UBR4: variants seen among roughly 807,000 people sequenced by gnomAD.
UBR4 encodes the protein ubiquitin protein ligase E3 component n-recognin 4, also known as E3 ubiquitin-protein ligase UBR4.
A neutral mutation model predicts 575.6 loss-of-function variants in UBR4; 124 were observed. The observed-to-expected ratio is 0.22, with a 90% confidence interval of 0.19 to 0.25. The LOEUF (loss-of-function observed/expected upper bound fraction) is 0.25, where lower values mean the gene tolerates loss of function less well. UBR4 is among the 10% of genes least tolerant of loss of function. The probability of loss-of-function intolerance (pLI) is 1.00; values close to 1 mark genes in which losing one functional copy is unlikely to be tolerated. For synonymous variants in UBR4, 2,455 were observed against 2,473.7 expected, an observed-to-expected ratio of 0.99 and a Z score of 0.22; for missense variants, 4,818 against 6,478.8, an observed-to-expected ratio of 0.74 and a Z score of 8.80.
At position 19,087,945 on chromosome 1, in the gene UBR4, G is replaced by A. The variant is rs41273191; in HGVS notation, c.14431-16C>T. The stretch of plus-strand genomic sequence containing the variant: ...TTTCATTTGTCTGTAGGGGAACCCC[G>A]GTGGCATGTCAAGGGGATTTCCACA... On this transcript the variant is annotated splice_polypyrimidine_tract_variant and intron_variant, in intron 98 of 105. Transcript: ENST00000375254. The A allele has an allele frequency of 4.6e-3, 7,235 of 1,584,998 alleles. 24 individuals are homozygous for A. The highest frequency in any genetic ancestry group is 5.6e-3 in the Non-Finnish European group (6,521 of 1,160,596).
Position 19,105,155 on chromosome 1 carries a change from C to T in UBR4, c.12538G>A (p.Ala4180Thr), listed in dbSNP as rs1460329430. The T allele has an allele frequency of 1.9e-6, 3 of 1,613,952 alleles. No homozygotes were observed. Among genetic ancestry groups the T allele is most frequent in the Non-Finnish European group, 2.5e-6 (3 of 1,179,984 alleles). The part of the protein sequence containing the change: ...LDELSIAGEC[A>T]AEYLALYQKL... ...TGGTAGAGAGCCAGGTACTCAGCTG[C>T]ACACTCCCCAGCTATGCTCAGCTCA... The change falls in exon 85 of 106, where the codon GCA becomes ACA. Residue 4180 changes from alanine to threonine, a missense_variant. Ala to Thr is a moderately conservative substitution (Grantham distance 58). Around this residue, in one of 29 missense-constraint regions of UBR4, gnomAD observed 178 missense variants for 175.5 expected, o/e 1.01. Coordinates refer to ENST00000375254, the MANE Select transcript of UBR4 (RefSeq NM_020765.3).
rs1326962607 is a variant in UBR4 at position 19,148,646 on chromosome 1, G to A, written c.7431-20C>T. ...ACCAGCCTGGGGAGACAGAAAACCTGGCTTGAGTACAACACCGTTCTCTCC... is the reference window on the plus strand; with the variant it reads ...ACCAGCCTGGGGAGACAGAAAACCTAGCTTGAGTACAACACCGTTCTCTCC... On this transcript the variant is annotated intron_variant, in intron 49 of 105. Coordinates refer to ENST00000375254, the MANE Select transcript of UBR4 (RefSeq NM_020765.3). 13 of 1,614,002 alleles carry A rather than the reference G, an allele frequency of 8.1e-6. No homozygotes were observed. The highest frequency in any genetic ancestry group is 8.5e-7 in the Non-Finnish European group (1 of 1,179,990).
intron 102 of UBR4, chr1:19,081,790 T>G: frequency 1.4e-6 from 1 of 692,816 alleles, no homozygotes. Flanking sequence ...GCATCTTCCC[T>G]TCTTCCCTGG....
In UBR4 at chr1:19,120,577, C is replaced by T. The variant is rs184731006; in HGVS notation, c.10142-229G>A. On this transcript the variant is annotated intron_variant, in intron 68 of 105. Transcript: ENST00000375254. The stretch of plus-strand genomic sequence containing the variant: ...GGTGATGCAGTGGTGAGCACAGCTG[C>T]CTTCCAGACAAGACATACAATAATG... 2.1e-3 allele frequency among the ~76,000 whole-genome samples: 325 copies of T among 152,310 alleles called. 3 individuals carry two copies. The highest frequency in any genetic ancestry group is 7.5e-3 in the African/African-American group (313 of 41,554).
At chr1:19,077,670 T>G (rs1322683533) in intron 104 of UBR4, 25 of 970,860 alleles carry the variant, frequency 2.6e-5, no homozygotes, top group Non-Finnish European at 3.6e-5. Context: ...GATGCAGAGG[T>G]TGCAGTGAGC....
chr1:19,167,033 T>C lies in UBR4; in HGVS notation c.4098A>G (p.Ala1366=), dbSNP rs949017158. The change falls in exon 29 of 106, where the codon GCA becomes GCG. Residue 1366 remains alanine, a synonymous_variant. Coordinates refer to ENST00000375254, the MANE Select transcript of UBR4 (RefSeq NM_020765.3). ...TCCATCAGGCTCACCTGTTAGGATC[T>C]GCATGATTGGCCAGAATGTTGTAAC... is the stretch of plus-strand genomic sequence containing the variant. ...TGCYNILANH[A]DPNSGLDESI... 6.2e-7 allele frequency: 1 copy of C among 1,614,230 alleles called. No homozygotes were observed.
Position 19,124,616 on chromosome 1 carries a change from G to T in UBR4, c.9513C>A (p.Ile3171=). Residue 3171 remains isoleucine (I), a synonymous_variant, in exon 65 of 106, where the codon ATC becomes ATA. Transcript: ENST00000375254. ...TEMVLRLPYQ[I]KKITDTNSRI... The stretch of plus-strand genomic sequence containing the variant: ...GAGAATTGGTGTCAGTAATCTTTTT[G>T]ATTTGGTAAGGAAGCCTCAGTACCA... 1 of 1,614,216 alleles carries T rather than the reference G, an allele frequency of 6.2e-7. No individual in the cohort carries two copies. Among genetic ancestry groups the T allele is most frequent in the Non-Finnish European group, 8.5e-7 (1 of 1,180,030 alleles).
rs1391739751 is a variant in UBR4 at position 19,142,143 on chromosome 1, T to C, written c.8180-366A>G. Among the ~76,000 whole-genome samples, 6 of 152,350 alleles carry C rather than the reference T, an allele frequency of 3.9e-5. No individual in the cohort carries two copies. The South Asian group carries it at 6.2e-4, about 16-fold the overall frequency. ...GGATAAGACAGGAAAAATCATATGA[T>C]TGGGATCTTTACCTTTTGTCTGTCA... On this transcript the variant is annotated intron_variant, in intron 55 of 105. Transcript: ENST00000375254.
intron 99 of UBR4, 67 bp downstream of exon 99, chr1:19,087,749 G>A: frequency 7.6e-7 from 1 of 1,317,816 alleles, no homozygotes; most frequent in Non-Finnish European, 1.1e-6. Flanking sequence ...CTGGAGGAGG[G>A]GGATGCTACC....
At chr1:19,095,058 A>G in intron 93 of UBR4, 33 bp from the exon 94 acceptor site, 1 of 1,614,050 alleles carries the variant, frequency 6.2e-7, no homozygotes, top group Non-Finnish European at 8.5e-7. Context: ...CACTCTCAGA[A>G]TAAGACCACA....
rs1051433815 is a variant in UBR4 at position 19,096,544 on chromosome 1, C to T, written c.13497G>A (p.Lys4499=). 6.2e-7 allele frequency: 1 copy of T among 1,613,204 alleles called. No homozygotes were observed. Among genetic ancestry groups the T allele is most frequent in the Admixed American group, 1.7e-5 (1 of 59,888 alleles). Residue 4499 remains lysine, a synonymous_variant, in exon 92 of 106, where the codon AAG becomes AAA. Coordinates refer to ENST00000375254, the MANE Select transcript of UBR4 (RefSeq NM_020765.3). ...LNRLAGIRDF[K]QGRHLLTVLL... Reference sequence around the variant, plus strand: ...TCACTGTTAGAAGGTGGCGTCCCTGCTTGAAATCTCTGATCCCTGCGAGTC... The same window carrying T: ...TCACTGTTAGAAGGTGGCGTCCCTGTTTGAAATCTCTGATCCCTGCGAGTC...
intron 67 of UBR4, 103 bp downstream of exon 67, chr1:19,121,831 A>G: frequency 7.7e-7 from 1 of 1,304,240 alleles, no homozygotes; most frequent in Non-Finnish European, 1.1e-6. Context: ...TATCTTGTTC[A>G]CAGCTATATC....
At chr1:19,177,783 G>T (rs755391478) in intron 18 of UBR4, 40 bp from the exon 19 acceptor site, 12 of 1,594,306 alleles carry the variant, frequency 7.5e-6, no homozygotes, top group Non-Finnish European at 1.0e-5. Context: ...GTGGGAAAAA[G>T]AGCATTCCCC....
Position 19,117,737 on chromosome 1 carries a change from T to A in UBR4, c.10629+86A>T. On this transcript the variant is annotated intron_variant, in intron 72 of 105. Coordinates refer to ENST00000375254, the MANE Select transcript of UBR4 (RefSeq NM_020765.3). This position sits in a 1 kb window ranked among gnomAD's most constrained non-coding sequence, Gnocchi z 4.0. ...GTGACCAACCATTAGGAGAGGAACA[T>A]CTATGTGATAATGATCCATCTCTGG... 1 of 1,283,112 alleles carries A rather than the reference T, an allele frequency of 7.8e-7. No homozygotes were observed. The highest frequency in any genetic ancestry group is 1.2e-5 in the South Asian group (1 of 80,854). 79.5% of individuals were successfully genotyped at this position (1,283,112 alleles called of 1,614,324 possible).
intron 7 of UBR4, 75 bp from the exon 8 acceptor site, chr1:19,197,340 C>T: frequency 6.3e-7 from 1 of 1,590,640 alleles, no homozygotes; most frequent in Non-Finnish European, 8.6e-7. Context: ...AAGAAATTAT[C>T]AGCATGGGCC....
At chr1:19,128,092 GCCCTCAGT>G in intron 62 of UBR4, 111 bp downstream of exon 62, 1 of 959,896 alleles carries the variant, frequency 1.0e-6, no homozygotes, top group Non-Finnish European at 1.6e-6. Context: ...ACAGAATGCA[GCCCTCAGT>G]GGATGGTTAC....
In UBR4 at chr1:19,153,531, C is replaced by G; in HGVS notation, c.6631-29G>C. ...GGAGGAGAGGACAAAGGAGGGTCTTCGTTCCCACACCCACAGATCAGCATC... is the reference window on the plus strand; with the variant it reads ...GGAGGAGAGGACAAAGGAGGGTCTTGGTTCCCACACCCACAGATCAGCATC... On this transcript the variant is annotated intron_variant, in intron 45 of 105. Transcript: ENST00000375254. This position sits in a 1 kb window ranked among gnomAD's most constrained non-coding sequence, Gnocchi z 4.1. 6.2e-7 allele frequency: 1 copy of G among 1,611,084 alleles called. No individual in the cohort carries two copies. Among genetic ancestry groups the G allele is most frequent in the Non-Finnish European group, 8.5e-7 (1 of 1,178,402 alleles).
rs1045132538 is a variant in UBR4 at position 19,144,758 on chromosome 1, A to G, written c.8067+28T>C. 4 of 1,589,426 alleles carry G rather than the reference A, an allele frequency of 2.5e-6. No homozygotes were observed. In the African/African-American group the frequency reaches 5.4e-5, roughly 21 times the overall value. On this transcript the variant is annotated intron_variant, in intron 54 of 105. Coordinates refer to ENST00000375254, the MANE Select transcript of UBR4 (RefSeq NM_020765.3). ...TTCCAGATATTCCCTGGCTGCTGCG[A>G]GCTCTCTGGGATTGTAATGCTACGT...
intron 92 of UBR4, 108 bp from the exon 93 acceptor site, chr1:19,095,760 C>A: frequency 1.0e-6 from 1 of 977,794 alleles, no homozygotes; most frequent in East Asian, 2.6e-5. Flanking sequence ...AGCAGGGGCT[C>A]CTCCTGAAAT....
Sources: gnomAD v4.1 joint callset for allele counts (sites outside exome capture counted in the v4.1 genomes callset) on GRCh38, gnomAD v4.1.1 for gene constraint, gnomAD v4.1.1 regional missense constraint, Gnocchi (gnomAD v3.1) non-coding constraint, MANE v1.5 for transcripts, NCBI Gene and HGNC (gene_info 2026-07-23, HGNC 2026-07-21) for gene names.